TC2N: variants seen among roughly 807,000 people sequenced by gnomAD.
The protein encoded by TC2N is tandem C2 domains nuclear protein.
In TC2N, 51 loss-of-function variants were observed where a neutral mutation model predicts 61.9. That is an observed-to-expected ratio of 0.82 (90% confidence interval 0.66 to 1.04). The LOEUF (loss-of-function observed/expected upper bound fraction) is 1.04, where lower values mean the gene tolerates loss of function less well. Among genes scored for constraint, TC2N ranks in the 50% least tolerant of loss-of-function variants. The probability of loss-of-function intolerance (pLI) is 0.00; values close to 1 mark genes in which losing one functional copy is unlikely to be tolerated. For synonymous variants in TC2N, 204 were observed against 192.6 expected (o/e 1.06, Z -0.49); for missense variants, 556 against 566.7 (o/e 0.98, Z 0.19).
intron 1 of TC2N, among the ~76,000 whole-genome samples, chr14:91,819,639 T>C (rs1887157560): frequency 1.3e-5 from 2 of 152,132 alleles, no homozygotes. Context: ...TAAGTATAAA[T>C]ACATGATTTA....
At chr14:91,835,939 C>T (rs1334400839) in intron 1 of TC2N, among the ~76,000 whole-genome samples, 1 of 152,092 alleles carries the variant, frequency 6.6e-6, no homozygotes, top group Admixed American at 6.5e-5. Flanking sequence ...GGGTCTCCAC[C>T]GTCCCCGGTC....
intron 1 of TC2N, among the ~76,000 whole-genome samples, chr14:91,829,959 A>G (rs983640226): frequency 6.6e-6 from 1 of 152,172 alleles, no homozygotes; most frequent in Admixed American, 6.5e-5. Flanking sequence ...GAAGCGCTCA[A>G]TGCCACTGAT....
At chr14:91,824,857 T>C (rs979913008) in intron 1 of TC2N, among the ~76,000 whole-genome samples, 9 of 152,222 alleles carry the variant, frequency 5.9e-5, no homozygotes, top group Middle Eastern at 3.4e-3. Context: ...AAGTTCTTGA[T>C]GGTGGAGCAT....
chr14:91,805,783 C>T (rs1886481987), intron 3 of TC2N, among the ~76,000 whole-genome samples: 1 of 152,078 alleles, frequency 6.6e-6, no homozygotes, highest in South Asian at 2.1e-4. Context: ...TTTATAAAAT[C>T]CACAGTAGTA....
chr14:91,861,180 A>T (rs1888581068), intron 1 of TC2N, among the ~76,000 whole-genome samples: 1 of 152,208 alleles, frequency 6.6e-6, no homozygotes, highest in Non-Finnish European at 1.5e-5. Flanking sequence ...TCTAGGATGG[A>T]GAGACTGGAA....
chr14:91,802,355 C>A lies in TC2N; in HGVS notation c.368G>T (p.Ser123Ile). ...ATAGAATGGGTTATACACATCATAG[C>A]TAGGTCCGTGCTGGGATGAACTGGA... ...ELSSSSQHGP[S>I]YDVYNPFYMY... is the part of the protein sequence containing the mutation. The change falls in exon 4 of 12, where the codon AGC (serine) becomes ATC (isoleucine). Residue 123 changes from serine (S) to isoleucine (I), a missense_variant. Coordinates refer to ENST00000435962, the MANE Select transcript of TC2N (RefSeq NM_001128596.3). 1 of 1,612,746 alleles carries A rather than the reference C, an allele frequency of 6.2e-7. No homozygotes were observed. The highest frequency in any genetic ancestry group is 1.1e-5 in the South Asian group (1 of 90,600).
At chr14:91,848,342 T>G (rs942703831) in intron 1 of TC2N, among the ~76,000 whole-genome samples, 1 of 152,152 alleles carries the variant, frequency 6.6e-6, no homozygotes, top group African/African-American at 2.4e-5. Context: ...CCCACAGGAT[T>G]AGGAGTATCC....
intron 1 of TC2N, among the ~76,000 whole-genome samples, chr14:91,859,618 C>A (rs904577945): frequency 6.6e-6 from 1 of 152,184 alleles, no homozygotes. Context: ...GCATTTAGAA[C>A]CCCAGGTGGA....
chr14:91,790,905 G>A (rs1885609812), intron 9 of TC2N, among the ~76,000 whole-genome samples: 1 of 152,026 alleles, frequency 6.6e-6, no homozygotes, highest in African/African-American at 2.4e-5. Flanking sequence ...GCCGAGGCAG[G>A]AGGACTGTTT....
intron 3 of TC2N, among the ~76,000 whole-genome samples, chr14:91,803,261 A>C (rs1886345142): frequency 6.6e-6 from 1 of 151,908 alleles, no homozygotes; most frequent in South Asian, 2.1e-4. Flanking sequence ...GAAATATTAC[A>C]GACAAACCAA....
At position 91,783,079 on chromosome 14, in the gene TC2N, C is replaced by T; in HGVS notation, c.*21G>A. On this transcript the variant is annotated 3_prime_UTR_variant, in exon 12 of 12. Coordinates refer to ENST00000435962, the MANE Select transcript of TC2N (RefSeq NM_001128596.3). ...TTCTAAAAGAATGTCAAGTTCTTCA[C>T]CAAATTAATGTGTGAAGTCTTCAAG... The T allele has an allele frequency of 6.9e-7, 1 of 1,439,026 alleles. No homozygotes were observed. The highest frequency in any genetic ancestry group is 9.7e-7 in the Non-Finnish European group (1 of 1,025,684). 89.1% of individuals were successfully genotyped at this position (1,439,026 alleles called of 1,614,324 possible). A position where few individuals can be genotyped will look rare whatever the true frequency, so the allele number is the denominator to read the frequency against.
chr14:91,787,653 G>T, intron 9 of TC2N, 26 bp from the exon 10 acceptor site: 2 of 1,363,880 alleles, frequency 1.5e-6, no homozygotes, highest in Non-Finnish European at 2.1e-6. Flanking sequence ...GTGTCATTTG[G>T]TAGTTAAGAA....
intron 5 of TC2N, among the ~76,000 whole-genome samples, chr14:91,799,575 G>T: frequency 6.6e-6 from 1 of 152,024 alleles, no homozygotes. Context: ...CAATTCTGAT[G>T]TGTGTTAAAC....
chr14:91,782,181 A>G lies in TC2N; in HGVS notation c.*919T>C, dbSNP rs530197125. 6.6e-6 allele frequency: 1 copy of G among 152,214 alleles called. No individual in the cohort carries two copies. The highest frequency in any genetic ancestry group is 1.5e-5 in the Non-Finnish European group (1 of 67,914). The allele number at this position is 152,214 out of a possible 1,614,324, so 9.4% of individuals were successfully genotyped here. ...CTGCAATAGAAAATATTTGTTACAC[A>G]GTATAATCAGGTATGGTTATGAAAA... On this transcript the variant is annotated 3_prime_UTR_variant, in exon 12 of 12. Transcript: ENST00000435962.
chr14:91,814,225 A>G (rs548707969), intron 1 of TC2N, among the ~76,000 whole-genome samples: 1 of 151,238 alleles, frequency 6.6e-6, no homozygotes, highest in Middle Eastern at 3.4e-3. Flanking sequence ...AAAAACAAAG[A>G]AAAAAAGAGA....
intron 1 of TC2N, among the ~76,000 whole-genome samples, chr14:91,814,391 T>C (rs7150835): frequency 0.07 from 9,664 of 138,956 alleles, 953 homozygotes; most frequent in African/African-American, 0.22. Flanking sequence ...AACCTAGAAA[T>C]AGAGAGTGGA....
chr14:91,792,861 T>C (rs1454039866), intron 8 of TC2N, among the ~76,000 whole-genome samples: 1 of 152,214 alleles, frequency 6.6e-6, no homozygotes, highest in Non-Finnish European at 1.5e-5. Context: ...TTTCCATCTT[T>C]GGTTCTGGCA....
chr14:91,826,136 T>G (rs1204680541), intron 1 of TC2N, among the ~76,000 whole-genome samples: 1 of 151,988 alleles, frequency 6.6e-6, no homozygotes, highest in Non-Finnish European at 1.5e-5. Context: ...CTGTACAATA[T>G]AGGGAGACCC....
At chr14:91,851,663 A>G (rs183466093) in intron 1 of TC2N, among the ~76,000 whole-genome samples, 1 of 152,332 alleles carries the variant, frequency 6.6e-6, no homozygotes, top group African/African-American at 2.4e-5. Context: ...CCTATTTATA[A>G]CTTCTTTTTC....
Sources: allele counts gnomAD v4.1 joint callset (sites outside exome capture counted in the v4.1 genomes callset), GRCh38; gene constraint gnomAD v4.1.1; transcripts MANE v1.5; gene names NCBI Gene and HGNC (gene_info 2026-07-23, HGNC 2026-07-21).